The following ZSWIM6 variants were observed in gnomAD, a reference collection of about 807,000 sequenced individuals.
The protein encoded by ZSWIM6 is zinc finger SWIM domain-containing protein 6.
Under a neutral mutation model 113.2 loss-of-function variants are expected in ZSWIM6, and 9 were observed. That is an observed-to-expected ratio of 0.08 (90% CI 0.05 to 0.14). The LOEUF is 0.14. Among genes scored for constraint, ZSWIM6 ranks in the 10% least tolerant of loss-of-function variants. The pLI is 1.00. For synonymous variants in ZSWIM6, 611 were observed against 606.5 expected (o/e 1.01, Z -0.11); for missense variants, 1,162 against 1,552.2 (o/e 0.75, Z 4.22).
At chr5:61,396,202 A>G (rs2112097833) in intron 1 of ZSWIM6, among the ~76,000 whole-genome samples, 1 of 152,220 alleles carries the variant, frequency 6.6e-6, no homozygotes, top group East Asian at 1.9e-4. Context: ...TCCCAGCAAC[A>G]CGTAACCTTC....
Position 61,460,662 on chromosome 5 carries a change from C to G in ZSWIM6, c.677-12019C>G, listed in dbSNP as rs976501346. Among the ~76,000 whole-genome samples the G allele has an allele frequency of 1.3e-5, 2 of 152,054 alleles. 1 individual carries two copies. Among genetic ancestry groups the G allele is most frequent in the South Asian group, 4.2e-4 (2 of 4,816 alleles). On this transcript the variant is annotated intron_variant, in intron 1 of 13. Coordinates refer to ENST00000252744, the MANE Select transcript of ZSWIM6 (RefSeq NM_020928.2). ...TGCAGTGACTTCTCAGAACTGGAAC[C>G]CTGTGTTATTCATGGATGCCTCCCG...
In ZSWIM6 at chr5:61,332,359, C is replaced by CGGA. The variant is rs1744269024; in HGVS notation, c.89_90insAGG (p.Gly33dup). 1 of 1,003,306 alleles carries CGGA rather than the reference C, an allele frequency of 1.0e-6. No homozygotes were observed. Among genetic ancestry groups the CGGA allele is most frequent in the Non-Finnish European group, 1.2e-6 (1 of 838,384 alleles). The allele number at this position is 1,003,306 out of a possible 1,614,324, so 62.2% of individuals were successfully genotyped here. A position where few individuals can be genotyped will look rare whatever the true frequency, so the allele number is the denominator to read the frequency against. On this transcript the variant is annotated inframe_insertion, in exon 1 of 14. Coordinates refer to ENST00000252744, the MANE Select transcript of ZSWIM6 (RefSeq NM_020928.2). ...GCGGCGGCGGCGGGGGCAGCAGCGG[C>CGGA]GGCGGCGGCGGCGCGGGTGGCGGCT...
At chr5:61,460,873 A>G (rs550671163) in intron 1 of ZSWIM6, among the ~76,000 whole-genome samples, 4 of 151,860 alleles carry the variant, frequency 2.6e-5, no homozygotes, top group Non-Finnish European at 5.9e-5. Flanking sequence ...TTATGTTTCT[A>G]TATTATTTAT....
At chr5:61,536,305 A>G (rs1444021987) in intron 10 of ZSWIM6, among the ~76,000 whole-genome samples, 2 of 152,232 alleles carry the variant, frequency 1.3e-5, no homozygotes, top group Non-Finnish European at 2.9e-5. Flanking sequence ...TATTTTTATC[A>G]CAGATTTGTT....
intron 1 of ZSWIM6, among the ~76,000 whole-genome samples, chr5:61,333,761 A>G (rs980446482): frequency 6.6e-5 from 10 of 151,846 alleles, no homozygotes; most frequent in African/African-American, 2.4e-4. Context: ...TTTTCTCTGA[A>G]GCTGCCTCCA....
intron 1 of ZSWIM6, among the ~76,000 whole-genome samples, chr5:61,424,444 G>A (rs1013398533): frequency 6.6e-6 from 1 of 152,150 alleles, no homozygotes; most frequent in African/African-American, 2.4e-5. Context: ...AGAAGCCGGG[G>A]CTCAGACCCT....
At chr5:61,348,098 GT>G (rs1744702104) in intron 1 of ZSWIM6, among the ~76,000 whole-genome samples, 1 of 152,126 alleles carries the variant, frequency 6.6e-6, no homozygotes, top group Non-Finnish European at 1.5e-5. Context: ...GCGGGCGCCT[GT>G]AGTCCCAGCT....
At chr5:61,484,291 A>G (rs1747957137) in intron 2 of ZSWIM6, among the ~76,000 whole-genome samples, 1 of 152,218 alleles carries the variant, frequency 6.6e-6, no homozygotes, top group African/African-American at 2.4e-5. Flanking sequence ...TTTGGTGATC[A>G]TAGAGAACAA....
intron 1 of ZSWIM6, among the ~76,000 whole-genome samples, chr5:61,437,737 AAAG>A (rs1354186626): frequency 2.0e-5 from 3 of 151,428 alleles, no homozygotes; most frequent in African/African-American, 7.3e-5. Flanking sequence ...AAAAAAAAAA[AAAG>A]AAATCCACTA....
At chr5:61,363,632 G>A (rs1021701637) in intron 1 of ZSWIM6, among the ~76,000 whole-genome samples, 1 of 152,158 alleles carries the variant, frequency 6.6e-6, no homozygotes, top group African/African-American at 2.4e-5. Context: ...GGGGTGGGGA[G>A]AGACCCTAGC....
chr5:61,478,295 A>G (rs554313577), intron 2 of ZSWIM6, among the ~76,000 whole-genome samples: 6 of 152,196 alleles, frequency 3.9e-5, no homozygotes, highest in Admixed American at 2.0e-4. Context: ...ATGTAGTAGT[A>G]TTGAAGTATC....
chr5:61,344,963 A>C (rs144074197), intron 1 of ZSWIM6, among the ~76,000 whole-genome samples: 64 of 152,330 alleles, frequency 4.2e-4, no homozygotes, highest in African/African-American at 1.5e-3. Flanking sequence ...TAAATCTTGG[A>C]ATATGTAATG....
intron 1 of ZSWIM6, among the ~76,000 whole-genome samples, chr5:61,422,646 T>A (rs947464106): frequency 6.6e-6 from 1 of 152,248 alleles, no homozygotes; most frequent in Non-Finnish European, 1.5e-5. Flanking sequence ...GTCTGTAGAT[T>A]ACTTTGGGTA....
chr5:61,522,734 G>T (rs1451600652), intron 5 of ZSWIM6, among the ~76,000 whole-genome samples: 2 of 152,040 alleles, frequency 1.3e-5, no homozygotes, highest in Non-Finnish European at 2.9e-5. Flanking sequence ...TTTTTTCCAG[G>T]TGCTCAGAAT....
intron 1 of ZSWIM6, among the ~76,000 whole-genome samples, chr5:61,350,433 G>T (rs1461465645): frequency 6.6e-6 from 1 of 152,146 alleles, no homozygotes; most frequent in African/African-American, 2.4e-5. Flanking sequence ...GTCTCCGTCA[G>T]TGGGCTCTCC....
chr5:61,480,832 G>A (rs553228734), intron 2 of ZSWIM6, among the ~76,000 whole-genome samples: 10 of 152,116 alleles, frequency 6.6e-5, no homozygotes, highest in East Asian at 3.9e-4. Context: ...GATTTTGCCC[G>A]TAAGACAGGT....
chr5:61,421,233 GT>G (rs1403510130), intron 1 of ZSWIM6, among the ~76,000 whole-genome samples: 1 of 151,906 alleles, frequency 6.6e-6, no homozygotes, highest in African/African-American at 2.4e-5. Flanking sequence ...TTCTGTCTTT[GT>G]TTTTGTTTTT....
intron 4 of ZSWIM6, among the ~76,000 whole-genome samples, chr5:61,505,640 TTCCTTCCTTCCTTC>T (rs1312234690): frequency 3.9e-5 from 4 of 102,428 alleles, no homozygotes; most frequent in Admixed American, 2.6e-4. Flanking sequence ...CCTTCCTTCC[TTCCTTCCTTCCTTC>T]CTTCCTTCCT....
Position 61,538,962 on chromosome 5 carries a change from G to A in ZSWIM6, c.2530G>A (p.Ala844Thr). The change falls in exon 11 of 14, where the codon GCA becomes ACA. Residue 844 changes from alanine to threonine, a missense_variant. Coordinates refer to ENST00000252744, the MANE Select transcript of ZSWIM6 (RefSeq NM_020928.2). ...TGAGCTGGCATCCACCATGCTAACTGCAGCCAAAGGTACTGTACTGTCCTG... is the reference window on the plus strand; with the variant it reads ...TGAGCTGGCATCCACCATGCTAACTACAGCCAAAGGTACTGTACTGTCCTG... ...QCELASTMLT[A>T]AKGDVRRLET... is the part of the protein sequence containing the mutation. 1 of 1,551,454 alleles carries A rather than the reference G, an allele frequency of 6.4e-7. No homozygotes were observed.
Sources: gnomAD v4.1 joint callset for allele counts (sites outside exome capture counted in the v4.1 genomes callset) on GRCh38, gnomAD v4.1.1 for gene constraint, MANE v1.5 for transcripts, NCBI Gene and HGNC (gene_info 2026-07-23, HGNC 2026-07-21) for gene names.